Variants in SOX6 observed in about 807,000 individuals in gnomAD.
The protein encoded by SOX6 is transcription factor SOX-6.
SOX6 carries 11 observed loss-of-function variants against 97.8 expected under a neutral mutation model. That is an observed-to-expected ratio of 0.11 (90% CI 0.07 to 0.19). SOX6 has a LOEUF of 0.19. Among genes scored for constraint, SOX6 ranks in the 10% least tolerant of loss-of-function variants. The pLI, the probability that SOX6 is intolerant of heterozygous loss-of-function variation, is 1.00. For synonymous variants in SOX6, 360 were observed against 371.4 expected (o/e 0.97, Z 0.35); for missense variants, 810 against 1,039.5 (o/e 0.78, Z 3.04).
intron 1 of SOX6, among the ~76,000 whole-genome samples, chr11:16,362,269 A>G (rs1590158987): frequency 6.6e-6 from 1 of 152,190 alleles, no homozygotes; most frequent in African/African-American, 2.4e-5. Context: ...CTACTCTTCT[A>G]AAGAATCTCC....
chr11:16,462,379 T>C (rs1859947961), intron 1 of SOX6, among the ~76,000 whole-genome samples: 1 of 152,242 alleles, frequency 6.6e-6, no homozygotes, highest in Non-Finnish European at 1.5e-5. Context: ...TATAGGACAC[T>C]TTAAGTTGTC....
intron 3 of SOX6, among the ~76,000 whole-genome samples, chr11:16,697,885 T>A (rs1447908493): frequency 6.6e-6 from 1 of 152,242 alleles, no homozygotes; most frequent in East Asian, 1.9e-4. Flanking sequence ...TTCTCAACAG[T>A]GGGCTTAAAA....
chr11:16,413,957 C>T (rs1858875210), intron 1 of SOX6, among the ~76,000 whole-genome samples: 1 of 152,036 alleles, frequency 6.6e-6, no homozygotes, highest in African/African-American at 2.4e-5. Context: ...AACATAAATG[C>T]AAAAGAAGCC....
rs778146973 is a variant in SOX6, at chr11:15,986,243, C to T, written c.2144G>A (p.Arg715Lys). 10 of 1,614,014 alleles carry T rather than the reference C, an allele frequency of 6.2e-6. No homozygotes were observed. Among genetic ancestry groups the T allele is most frequent in the Non-Finnish European group, 8.5e-6 (10 of 1,180,006 alleles). Residue 715 changes from arginine (R) to lysine (K), a missense_variant, in exon 15 of 16, where the codon AGG (arginine) becomes AAG (lysine). Physicochemically the swap from Arg to Lys is conservative, Grantham distance 26. This residue lies in a region of SOX6 where 122 missense variants were observed against 153.4 expected (regional missense o/e 0.80). Transcript: ENST00000683767. Reference sequence around the variant, plus strand: ...CTGCCTCATCTCCTGTCTCCGAGACCTCATCAGTTGCTTATACTCCCCAAT... The same window carrying T: ...CTGCCTCATCTCCTGTCTCCGAGACTTCATCAGTTGCTTATACTCCCCAAT... Reference protein sequence around the residue: ...LRIGEYKQLMRSRRQEMRQFF... With the variant: ...LRIGEYKQLMKSRRQEMRQFF...
chr11:16,177,397 C>G (rs955712656), intron 6 of SOX6, among the ~76,000 whole-genome samples: 1 of 151,894 alleles, frequency 6.6e-6, no homozygotes, highest in Non-Finnish European at 1.5e-5. Context: ...ATAATTTTGT[C>G]ATATCCAAGT....
At chr11:16,045,735 A>G (rs1444782863) in intron 12 of SOX6, among the ~76,000 whole-genome samples, 1 of 152,074 alleles carries the variant, frequency 6.6e-6, no homozygotes, top group Non-Finnish European at 1.5e-5. Flanking sequence ...CCTGCCTTTC[A>G]TATGGCCTGG....
At chr11:16,584,207 T>A (rs1004450394) in intron 4 of SOX6, among the ~76,000 whole-genome samples, 1 of 152,152 alleles carries the variant, frequency 6.6e-6, no homozygotes, top group Non-Finnish European at 1.5e-5. Flanking sequence ...CTATTGTTGA[T>A]CCCTTAGCAT....
chr11:16,220,413 T>C (rs1432257065), intron 4 of SOX6, among the ~76,000 whole-genome samples: 1 of 152,076 alleles, frequency 6.6e-6, no homozygotes, highest in Non-Finnish European at 1.5e-5. Flanking sequence ...CTGAATAGGC[T>C]AGTATTTACC....
intron 9 of SOX6, among the ~76,000 whole-genome samples, chr11:16,084,070 C>T (rs887710776): frequency 6.6e-6 from 1 of 152,106 alleles, no homozygotes; most frequent in African/African-American, 2.4e-5. Flanking sequence ...GTGGCTGTCA[C>T]TTCTTGCTAA....
At chr11:16,006,666 C>G (rs1273566885) in intron 13 of SOX6, among the ~76,000 whole-genome samples, 1 of 152,072 alleles carries the variant, frequency 6.6e-6, no homozygotes, top group Non-Finnish European at 1.5e-5. Context: ...GCTTCCTCCT[C>G]TAAATAGCAG....
chr11:16,457,187 T>A (rs1859826108), intron 1 of SOX6, among the ~76,000 whole-genome samples: 1 of 152,058 alleles, frequency 6.6e-6, no homozygotes, highest in Non-Finnish European at 1.5e-5. Flanking sequence ...AATTTGTGCA[T>A]AAAACTTAAT....
intron 1 of SOX6, among the ~76,000 whole-genome samples, chr11:16,429,152 T>C (rs1289267203): frequency 6.6e-6 from 1 of 152,104 alleles, no homozygotes; most frequent in East Asian, 1.9e-4. Context: ...TCAGAATCAC[T>C]ATTATTAAAA....
At chr11:16,246,281 T>C (rs1282907590) in intron 3 of SOX6, among the ~76,000 whole-genome samples, 12 of 151,754 alleles carry the variant, frequency 7.9e-5, no homozygotes, top group Admixed American at 7.9e-4. Context: ...AATCATATTT[T>C]AAGTAAATTA....
At chr11:16,602,016 C>G (rs1461322301) in intron 4 of SOX6, among the ~76,000 whole-genome samples, 1 of 152,156 alleles carries the variant, frequency 6.6e-6, no homozygotes, top group Non-Finnish European at 1.5e-5. Context: ...TCTAGGCATT[C>G]AGTTACCAAA....
At chr11:16,298,051 A>G (rs922692796) in intron 3 of SOX6, among the ~76,000 whole-genome samples, 4 of 152,196 alleles carry the variant, frequency 2.6e-5, no homozygotes, top group Non-Finnish European at 5.9e-5. Flanking sequence ...CAGTTTGTCA[A>G]TTATAGTCTT....
intron 3 of SOX6, among the ~76,000 whole-genome samples, chr11:16,699,372 C>T (rs1369882409): frequency 6.6e-6 from 1 of 152,058 alleles, no homozygotes; most frequent in Non-Finnish European, 1.5e-5. Context: ...ACCAGAACAT[C>T]ACGCTGCCAC....
intron 1 of SOX6, among the ~76,000 whole-genome samples, chr11:16,393,040 G>A (rs2134428989): frequency 6.6e-6 from 1 of 152,122 alleles, no homozygotes; most frequent in African/African-American, 2.4e-5. Flanking sequence ...TCCATTTTTA[G>A]TCAACCATAA....
In SOX6 at chr11:16,141,511, GTGGGTGCAGGACAC is replaced by G. The variant is rs1850139662; in HGVS notation, c.778-29602_778-29589del. Among the ~76,000 whole-genome samples the G allele has an allele frequency of 5.3e-5, 8 of 152,284 alleles. No homozygotes were observed. In the South Asian group the frequency reaches 1.5e-3, roughly 28 times the overall value. On this transcript the variant is annotated intron_variant, in intron 6 of 15. Coordinates refer to ENST00000683767, the MANE Select transcript of SOX6 (RefSeq NM_001367873.1). ...TCATCTCACTGGGGCTTGTCGGACA[GTGGGTGCAGGACAC>G]TGGGTGCAGCTCACCGAGCGTGAGC...
At chr11:16,432,524 T>C (rs1244039465) in intron 1 of SOX6, among the ~76,000 whole-genome samples, 1 of 152,128 alleles carries the variant, frequency 6.6e-6, no homozygotes, top group Non-Finnish European at 1.5e-5. Context: ...ATGTATCCAA[T>C]GATACAAATT....
Sources: allele counts gnomAD v4.1 joint callset (sites outside exome capture counted in the v4.1 genomes callset), GRCh38; gene constraint gnomAD v4.1.1; regional missense constraint gnomAD v4.1.1; transcripts MANE v1.5; gene names NCBI Gene and HGNC (gene_info 2026-07-23, HGNC 2026-07-21).